The following EYS variants were observed in gnomAD, a reference collection of about 807,000 sequenced individuals.
EYS encodes EGF-like photoreceptor maintenance factor, also known as protein eyes shut homolog.
EYS carries 250 observed loss-of-function variants against 282.1 expected under a neutral mutation model. The ratio of observed to expected loss-of-function variants is 0.89; its 90% CI spans 0.80 to 0.98. The LOEUF is 0.98. Ranked by LOEUF, EYS falls within the 50% of genes least tolerant of loss-of-function variation. The pLI, the probability that EYS is intolerant of heterozygous loss-of-function variation, is 0.00. For synonymous variants in EYS, 1,355 were observed against 1,282.9 expected (o/e 1.06, Z -1.20); for missense variants, 4,016 against 3,709.0 (o/e 1.08, Z -2.15).
rs949924122 is a variant in EYS at position 65,455,717 on chromosome 6, T to TGC, written c.862+34876_862+34877insGC. On this transcript the variant is annotated intron_variant, in intron 5 of 42. Transcript: ENST00000503581. Reference sequence around the variant, plus strand: ...TTAAATTTTGTAGAAATACAAAATCTGAACAGAACAAAAATTAGTAAGAAA... The same window carrying TGC: ...TTAAATTTTGTAGAAATACAAAATCTGCGAACAGAACAAAAATTAGTAAGAAA... 5.7e-4 allele frequency among the ~76,000 whole-genome samples: 86 copies of TGC among 152,180 alleles called. 1 individual carries two copies. The highest frequency in any genetic ancestry group is 3.4e-3 in the Middle Eastern group (1 of 294).
intron 31 of EYS, among the ~76,000 whole-genome samples, chr6:64,087,593 A>G (rs951386057): frequency 6.6e-6 from 1 of 152,110 alleles, no homozygotes; most frequent in Admixed American, 6.6e-5. Flanking sequence ...GGCATGTCCA[A>G]CTTTGCACAT....
At chr6:65,403,156 C>A (rs1398176190) in intron 6 of EYS, among the ~76,000 whole-genome samples, 2 of 152,012 alleles carry the variant, frequency 1.3e-5, no homozygotes, top group African/African-American at 2.4e-5. Context: ...CAAGTCAGCT[C>A]ACAGTACCAT....
intron 22 of EYS, among the ~76,000 whole-genome samples, chr6:64,789,468 T>C (rs1224405277): frequency 6.6e-6 from 1 of 152,134 alleles, no homozygotes; most frequent in Non-Finnish European, 1.5e-5. Context: ...TCTATAAACA[T>C]GCAAGAATTT....
chr6:64,968,875 C>T (rs1197174741), intron 14 of EYS, among the ~76,000 whole-genome samples: 1 of 152,150 alleles, frequency 6.6e-6, no homozygotes, highest in Non-Finnish European at 1.5e-5. Flanking sequence ...CTTCCAACCC[C>T]AGACCACATC....
At chr6:64,480,194 G>A (rs1466255804) in intron 26 of EYS, among the ~76,000 whole-genome samples, 1 of 151,842 alleles carries the variant, frequency 6.6e-6, no homozygotes, top group Admixed American at 6.6e-5. Context: ...TTTGAAGTCT[G>A]ATATCTTATA....
intron 35 of EYS, among the ~76,000 whole-genome samples, chr6:63,919,871 C>T (rs1272079662): frequency 2.6e-5 from 4 of 152,240 alleles, no homozygotes; most frequent in Non-Finnish European, 5.9e-5. Flanking sequence ...ACTGTACAGT[C>T]CGACTGCCAC....
At chr6:64,391,457 TG>T (rs1399566625) in intron 28 of EYS, among the ~76,000 whole-genome samples, 5 of 151,420 alleles carry the variant, frequency 3.3e-5, no homozygotes, top group African/African-American at 9.7e-5. Flanking sequence ...CAGAAGAGAG[TG>T]GGGGCCAATA....
chr6:65,353,703 A>T (rs1764372200), intron 8 of EYS, 86 bp from the exon 9 acceptor site: 1 of 1,108,358 alleles, frequency 9.0e-7, no homozygotes. Flanking sequence ...GCTAATTTTT[A>T]AAACCACAGT....
chr6:65,238,393 T>G (rs1237485824), intron 12 of EYS, among the ~76,000 whole-genome samples: 7 of 151,812 alleles, frequency 4.6e-5, no homozygotes, highest in Non-Finnish European at 1.0e-4. Context: ...AGCATCATCA[T>G]GATTATATTG....
chr6:64,336,866 C>T (rs762992915), intron 29 of EYS, among the ~76,000 whole-genome samples: 1 of 152,074 alleles, frequency 6.6e-6, no homozygotes, highest in Admixed American at 6.6e-5. Flanking sequence ...TAACCTGCTT[C>T]TGAATGAACA....
rs777611060 is a variant in EYS at position 65,053,859 on chromosome 6, T to A, written c.2137+3755A>T. On this transcript the variant is annotated intron_variant, in intron 13 of 42. Coordinates refer to ENST00000503581, the MANE Select transcript of EYS (RefSeq NM_001142800.2). Reference sequence around the variant, plus strand: ...CAAACAAGTAAAGTTATCAAATTAGTGAATCAACTAAAAATTTACCAACTT... The same window carrying A: ...CAAACAAGTAAAGTTATCAAATTAGAGAATCAACTAAAAATTTACCAACTT... 4.2e-4 allele frequency among the ~76,000 whole-genome samples: 64 copies of A among 151,934 alleles called. 1 individual carries two copies. The highest frequency in any genetic ancestry group is 2.1e-4 in the Non-Finnish European group (14 of 67,912).
chr6:65,649,255 G>A (rs1767567992), intron 1 of EYS, among the ~76,000 whole-genome samples: 1 of 150,678 alleles, frequency 6.6e-6, no homozygotes, highest in African/African-American at 2.4e-5. Context: ...TTTTGTATGT[G>A]TTTTGTTTTG....
chr6:64,647,493 A>G (rs1033759813), intron 22 of EYS, among the ~76,000 whole-genome samples: 2 of 152,192 alleles, frequency 1.3e-5, no homozygotes, highest in African/African-American at 4.8e-5. Context: ...TTTATAAACT[A>G]TTAAATAAAC....
chr6:65,319,482 A>G (rs573026645), intron 11 of EYS, among the ~76,000 whole-genome samples: 1 of 152,094 alleles, frequency 6.6e-6, no homozygotes, highest in East Asian at 1.9e-4. Context: ...TTTTCCATAG[A>G]AGAACCGAAA....
chr6:64,714,516 C>CTTTTCTTTTTT (rs1771311288), intron 22 of EYS, among the ~76,000 whole-genome samples: 1 of 127,916 alleles, frequency 7.8e-6, no homozygotes. Flanking sequence ...TTCTTTCTTT[C>CTTTTCTTTTTT]TTTTTTTTTT....
chr6:65,637,205 G>A (rs1253654996), intron 2 of EYS, among the ~76,000 whole-genome samples: 1 of 152,118 alleles, frequency 6.6e-6, no homozygotes, highest in East Asian at 1.9e-4. Context: ...TTTATTTGTA[G>A]AGAACCCACA....
intron 22 of EYS, among the ~76,000 whole-genome samples, chr6:64,768,807 A>G (rs892416909): frequency 1.3e-5 from 2 of 152,164 alleles, no homozygotes; most frequent in Non-Finnish European, 2.9e-5. Context: ...TATCACAAAA[A>G]GGGCAGGCTG....
chr6:65,605,520 T>C (rs1198152709), intron 2 of EYS, among the ~76,000 whole-genome samples: 1 of 151,966 alleles, frequency 6.6e-6, no homozygotes, highest in Non-Finnish European at 1.5e-5. Context: ...TTAATGACAT[T>C]ACCTTTGATT....
At chr6:64,933,849 G>A (rs949739275) in intron 15 of EYS, among the ~76,000 whole-genome samples, 6 of 151,974 alleles carry the variant, frequency 3.9e-5, no homozygotes, top group Admixed American at 1.3e-4. Context: ...GGATGAAAAT[G>A]GAAACCATCA....
Sources: gnomAD v4.1 joint callset for allele counts (sites outside exome capture counted in the v4.1 genomes callset) on GRCh38, gnomAD v4.1.1 for gene constraint, MANE v1.5 for transcripts, NCBI Gene and HGNC (gene_info 2026-07-23, HGNC 2026-07-21) for gene names.